Variants in PI4KA observed in about 807,000 individuals in gnomAD.
PI4KA encodes phosphatidylinositol 4-kinase alpha, also known as PI4-kinase alpha.
Under a neutral mutation model 271.4 loss-of-function variants are expected in PI4KA, and 122 were observed. That is an observed-to-expected ratio of 0.45 (90% CI 0.39 to 0.52). The LOEUF (loss-of-function observed/expected upper bound fraction) is 0.52, where lower values mean the gene tolerates loss of function less well. Among genes scored for constraint, PI4KA ranks in the 20% least tolerant of loss-of-function variants. The probability of loss-of-function intolerance (pLI) is 0.00; values close to 1 mark genes in which losing one functional copy is unlikely to be tolerated. For synonymous variants in PI4KA, 1,041 were observed against 1,078.8 expected (o/e 0.96, Z 0.69); for missense variants, 1,969 against 2,769.1 (o/e 0.71, Z 6.48).
At chr22:20,739,104 G>GGGA (rs1929085889) in intron 32 of PI4KA, among the ~76,000 whole-genome samples, 1 of 151,516 alleles carries the variant, frequency 6.6e-6, no homozygotes, top group Admixed American at 6.6e-5. Flanking sequence ...CCAACACTTT[G>GGGA]GGAGGCCGAG....
intron 1 of PI4KA, among the ~76,000 whole-genome samples, chr22:20,846,874 G>A (rs5760994): frequency 0.069 from 10,011 of 145,576 alleles, 335 homozygotes; most frequent in East Asian, 0.08. Flanking sequence ...GGGGCCAGGT[G>A]CGGTGGCTCA....
chr22:20,824,109 G>GAA (rs113469872), intron 4 of PI4KA, among the ~76,000 whole-genome samples: 1 of 103,626 alleles, frequency 9.7e-6, no homozygotes, highest in African/African-American at 3.6e-5. Context: ...TTAGAAAAAA[G>GAA]AAAAAAAAAA....
chr22:20,770,625 C>T (rs1569011818), intron 19 of PI4KA, among the ~76,000 whole-genome samples: 1 of 139,682 alleles, frequency 7.2e-6, no homozygotes, highest in Non-Finnish European at 1.5e-5. Context: ...CACACACACA[C>T]ACACACAAGC....
intron 41 of PI4KA, 145 bp downstream of exon 41, chr22:20,727,085 T>C: frequency 3.1e-6 from 2 of 640,226 alleles, no homozygotes; most frequent in Non-Finnish European, 5.2e-6. Flanking sequence ...ATCCATCTTC[T>C]ACAACTACTT....
chr22:20,728,407 T>C (rs1927625743), intron 39 of PI4KA, among the ~76,000 whole-genome samples: 1 of 152,206 alleles, frequency 6.6e-6, no homozygotes, highest in East Asian at 1.9e-4. Flanking sequence ...GAAACAGGAA[T>C]TTTTCTACAC....
chr22:20,801,703 G>A (rs1313286412), intron 14 of PI4KA, among the ~76,000 whole-genome samples: 2 of 151,752 alleles, frequency 1.3e-5, no homozygotes, highest in Non-Finnish European at 2.9e-5. Flanking sequence ...GGCCAACGTG[G>A]TGCAACCCCA....
chr22:20,751,905 C>T, intron 25 of PI4KA, 150 bp from the exon 26 acceptor site: 1 of 673,292 alleles, frequency 1.5e-6, no homozygotes, highest in Non-Finnish European at 2.6e-6. Flanking sequence ...GGATGCCTGG[C>T]CTCCTCAGGC....
chr22:20,762,772 G>A (rs6004160), intron 22 of PI4KA, among the ~76,000 whole-genome samples: 69,562 of 152,056 alleles, frequency 0.46, 16,530 homozygotes, highest in African/African-American at 0.57. Flanking sequence ...TATACTAACA[G>A]GCTATAGGGG....
intron 3 of PI4KA, among the ~76,000 whole-genome samples, chr22:20,829,163 G>A (rs1224014038): frequency 1.3e-5 from 2 of 152,082 alleles, no homozygotes; most frequent in Non-Finnish European, 2.9e-5. Flanking sequence ...TCAGCATGAT[G>A]CTACCCTCAT....
intron 19 of PI4KA, among the ~76,000 whole-genome samples, chr22:20,784,767 T>C (rs1196734366): frequency 6.6e-6 from 1 of 152,180 alleles, no homozygotes; most frequent in Non-Finnish European, 1.5e-5. Context: ...AAACTGCAGG[T>C]GTTAAGTACT....
intron 17 of PI4KA, 52 bp from the exon 18 acceptor site, chr22:20,796,366 C>T (rs1934987360): frequency 6.5e-7 from 1 of 1,546,690 alleles, no homozygotes; most frequent in Non-Finnish European, 8.8e-7. Flanking sequence ...CAACCGTCCC[C>T]AAGGGACGGC....
At position 20,819,910 on chromosome 22, in the gene PI4KA, C is replaced by T; in HGVS notation, c.530-10G>A. The T allele has an allele frequency of 1.2e-6, 2 of 1,609,696 alleles. No homozygotes were observed. The highest frequency in any genetic ancestry group is 1.1e-5 in the South Asian group (1 of 90,902). On this transcript the variant is annotated splice_polypyrimidine_tract_variant and intron_variant, in intron 5 of 54. Transcript: ENST00000255882. ...TACTTGCAAAGGTATTCTAGAAGAT[C>T]AAGTGAAAACGTTACAATATAAGAA...
At chr22:20,784,300 G>T in intron 19 of PI4KA, 1 of 1,610,692 alleles carries the variant, frequency 6.2e-7, no homozygotes, top group Non-Finnish European at 8.5e-7. Context: ...GGGGTGTCTG[G>T]GAATACTGGA....
chr22:20,786,551 A>G (rs1041799505), intron 19 of PI4KA, among the ~76,000 whole-genome samples: 7 of 152,210 alleles, frequency 4.6e-5, no homozygotes, highest in South Asian at 2.1e-4. Context: ...CAGTCCAAAC[A>G]GTGCAGCAGA....
At chr22:20,726,426 C>A (rs1009479246) in intron 42 of PI4KA, 62 bp downstream of exon 42, 9 of 1,400,536 alleles carry the variant, frequency 6.4e-6, no homozygotes, top group African/African-American at 1.7e-5. Context: ...ACAGACCGGG[C>A]ACAAGCTGGT....
intron 4 of PI4KA, among the ~76,000 whole-genome samples, chr22:20,821,986 C>T (rs1922754754): frequency 6.6e-6 from 1 of 151,990 alleles, no homozygotes; most frequent in African/African-American, 2.4e-5. Context: ...CCTGTCTCTA[C>T]AAAACATACA....
At chr22:20,817,693 C>T (rs532345826) in intron 7 of PI4KA, among the ~76,000 whole-genome samples, 12 of 112,186 alleles carry the variant, frequency 1.1e-4, no homozygotes, top group South Asian at 9.6e-4. Context: ...ATGATCATGC[C>T]GCTGCACTCC....
At chr22:20,832,477 G>A (rs764987251) in intron 3 of PI4KA, among the ~76,000 whole-genome samples, 6 of 151,426 alleles carry the variant, frequency 4.0e-5, no homozygotes, top group Non-Finnish European at 7.4e-5. Flanking sequence ...TTTTTGAGAC[G>A]GAGTCTCACT....
chr22:20,719,174 C>T (rs1926401286), intron 43 of PI4KA, among the ~76,000 whole-genome samples: 2 of 152,020 alleles, frequency 1.3e-5, no homozygotes, highest in African/African-American at 2.4e-5. Flanking sequence ...GAAAAAAGCC[C>T]GTGTCATTTA....
Sources: allele counts gnomAD v4.1 joint callset (sites outside exome capture counted in the v4.1 genomes callset), GRCh38; gene constraint gnomAD v4.1.1; transcripts MANE v1.5; gene names NCBI Gene and HGNC (gene_info 2026-07-23, HGNC 2026-07-21).